PIK3C2G: variants seen among roughly 807,000 people sequenced by gnomAD.
PIK3C2G encodes the protein phosphatidylinositol-4-phosphate 3-kinase catalytic subunit type 2 gamma.
In PIK3C2G, 168 loss-of-function variants were observed where a neutral mutation model predicts 181.1. That is an observed-to-expected ratio of 0.93 (90% confidence interval 0.82 to 1.05). PIK3C2G has a LOEUF of 1.05. Among genes scored for constraint, PIK3C2G ranks in the 50% least tolerant of loss-of-function variants. PIK3C2G has a pLI of 0.00. For synonymous variants in PIK3C2G, 573 were observed against 592.2 expected (o/e 0.97, Z 0.47); for missense variants, 1,869 against 1,732.8 (o/e 1.08, Z -1.40).
chr12:18,246,041 G>GAA (rs1170687848), upstream of PIK3C2G, among the ~76,000 whole-genome samples: 1 of 152,102 alleles, frequency 6.6e-6, no homozygotes, highest in African/African-American at 2.4e-5. Flanking sequence ...TTTTAGCTGA[G>GAA]AAATAAATTT....
chr12:18,597,438 A>G (rs901353796), intron 30 of PIK3C2G, among the ~76,000 whole-genome samples: 4 of 152,132 alleles, frequency 2.6e-5, no homozygotes, highest in Non-Finnish European at 4.4e-5. Flanking sequence ...TAAAAATAAT[A>G]ATATAAAGCA....
intron 18 of PIK3C2G, among the ~76,000 whole-genome samples, chr12:18,462,188 G>C (rs1947954989): frequency 6.6e-6 from 1 of 152,140 alleles, no homozygotes; most frequent in Non-Finnish European, 1.5e-5. Context: ...GTTTACCATA[G>C]CAAGTTACTT....
At chr12:18,704,216 T>C in the PIK3C2G span, among the ~76,000 whole-genome samples, 7 of 152,174 alleles carry the variant, frequency 4.6e-5, no homozygotes, top group African/African-American at 1.7e-4. Context: ...AGAAAATCTT[T>C]GATGAATGTG....
At chr12:18,392,821 A>G (rs1007406037) in intron 15 of PIK3C2G, among the ~76,000 whole-genome samples, 8 of 152,118 alleles carry the variant, frequency 5.3e-5, no homozygotes, top group Non-Finnish European at 1.2e-4. Context: ...GTGTGAATAA[A>G]TAGATTATAA....
chr12:18,300,581 C>A (rs1280604069), intron 5 of PIK3C2G, among the ~76,000 whole-genome samples: 1 of 152,010 alleles, frequency 6.6e-6, no homozygotes, highest in African/African-American at 2.4e-5. Flanking sequence ...CAATCTGTAT[C>A]TTTTAAGTGG....
At chr12:18,623,781 T>C (rs1269953243) in intron 31 of PIK3C2G, among the ~76,000 whole-genome samples, 2 of 151,750 alleles carry the variant, frequency 1.3e-5, no homozygotes, top group Non-Finnish European at 3.0e-5. Flanking sequence ...TGTTCCTAAA[T>C]ATTTTTTGTA....
At chr12:18,483,708 T>G (rs1032608240) in intron 18 of PIK3C2G, among the ~76,000 whole-genome samples, 6 of 151,766 alleles carry the variant, frequency 4.0e-5, no homozygotes, top group African/African-American at 1.5e-4. Context: ...AAAAATGTGC[T>G]TTCCATTCTA....
At chr12:18,683,715 G>T in the PIK3C2G span, 2 of 997,930 alleles carry the variant, frequency 2.0e-6, no homozygotes, top group Non-Finnish European at 2.8e-6. Context: ...GCAACATAAA[G>T]GTAGTCAGCC....
At chr12:18,584,300 C>T (rs550993372) in intron 29 of PIK3C2G, among the ~76,000 whole-genome samples, 43 of 152,116 alleles carry the variant, frequency 2.8e-4, no homozygotes, top group Admixed American at 2.7e-3. Flanking sequence ...GGATTACAGG[C>T]ATGAGCCACC....
rs779428770 is a variant in PIK3C2G at position 18,424,041 on chromosome 12, T to C, written c.2504+2T>C. 14 of 1,585,262 alleles carry C rather than the reference T, an allele frequency of 8.8e-6. No individual in the cohort carries two copies. The South Asian group carries it at 1.2e-4, about 14-fold the overall frequency. On this transcript the variant is annotated splice_donor_variant, in intron 18 of 32. Transcript: ENST00000538779. LOFTEE classifies it high-confidence loss of function. Reference sequence around the variant, plus strand: ...CCAGGTTGCCCATCGTCTTTACTGGTAAGATTAACTAAATCAGGCAAGGAT... The same window carrying C: ...CCAGGTTGCCCATCGTCTTTACTGGCAAGATTAACTAAATCAGGCAAGGAT...
intron 18 of PIK3C2G, among the ~76,000 whole-genome samples, chr12:18,441,341 A>C (rs1452552180): frequency 6.6e-6 from 1 of 152,182 alleles, no homozygotes; most frequent in Non-Finnish European, 1.5e-5. Flanking sequence ...TAGGAAAGGG[A>C]AGAGAGAAAT....
At chr12:18,274,981 G>A (rs910173663) in intron 1 of PIK3C2G, among the ~76,000 whole-genome samples, 4 of 152,068 alleles carry the variant, frequency 2.6e-5, no homozygotes, top group Non-Finnish European at 5.9e-5. Flanking sequence ...GCTTTGTGTT[G>A]ATATATCTCT....
intron 31 of PIK3C2G, among the ~76,000 whole-genome samples, chr12:18,637,794 T>C (rs1477178866): frequency 6.6e-6 from 1 of 152,216 alleles, no homozygotes; most frequent in Non-Finnish European, 1.5e-5. Context: ...GTGTGGGTCT[T>C]ATATGACGAA....
chr12:18,650,323 C>CTATATA (rs1213171244), downstream of PIK3C2G, among the ~76,000 whole-genome samples: 18 of 77,956 alleles, frequency 2.3e-4, no homozygotes, highest in African/African-American at 8.5e-4. Context: ...CTCTCTCTCT[C>CTATATA]TCTCTCTCTA....
the PIK3C2G span, among the ~76,000 whole-genome samples, chr12:18,675,656 G>GAT: frequency 1.6e-4 from 25 of 152,096 alleles, no homozygotes; most frequent in East Asian, 7.8e-4. Context: ...AATAAAATGT[G>GAT]ATATATATAT....
chr12:18,551,429 C>G (rs1565499151), intron 26 of PIK3C2G, among the ~76,000 whole-genome samples: 1 of 152,064 alleles, frequency 6.6e-6, no homozygotes, highest in Non-Finnish European at 1.5e-5. Context: ...ATAAACTTCC[C>G]TGCCTACCTC....
intron 29 of PIK3C2G, among the ~76,000 whole-genome samples, chr12:18,572,031 A>G (rs1326435683): frequency 6.7e-5 from 10 of 150,310 alleles, no homozygotes. Flanking sequence ...CATAGACATT[A>G]AACTATGTGT....
chr12:18,666,744 T>C, the PIK3C2G span, among the ~76,000 whole-genome samples: 3 of 152,152 alleles, frequency 2.0e-5, no homozygotes, highest in Non-Finnish European at 4.4e-5. Flanking sequence ...CACTCAACAA[T>C]AGCAGAATAC....
At chr12:18,572,278 A>C (rs1945986291) in intron 29 of PIK3C2G, among the ~76,000 whole-genome samples, 1 of 148,056 alleles carries the variant, frequency 6.8e-6, no homozygotes, top group African/African-American at 2.4e-5. Flanking sequence ...TTTTAATAGC[A>C]ATTATATAAA....
Sources: gnomAD v4.1 joint callset for allele counts (sites outside exome capture counted in the v4.1 genomes callset) on GRCh38, gnomAD v4.1.1 for gene constraint, MANE v1.5 for transcripts, NCBI Gene and HGNC (gene_info 2026-07-23, HGNC 2026-07-21) for gene names.